L3MBTL1: variants seen among roughly 807,000 people sequenced by gnomAD.
The protein encoded by L3MBTL1 is lethal(3)malignant brain tumor-like protein 1.
L3MBTL1 carries 75 observed loss-of-function variants against 105.3 expected under a neutral mutation model. The ratio of observed to expected loss-of-function variants is 0.71; its 90% CI spans 0.59 to 0.86. The LOEUF is 0.86. Among genes scored for constraint, L3MBTL1 ranks in the 40% least tolerant of loss-of-function variants. L3MBTL1 has a pLI of 0.00. For synonymous variants in L3MBTL1, 452 were observed against 436.2 expected (o/e 1.04, Z -0.45); for missense variants, 1,069 against 1,126.4 (o/e 0.95, Z 0.73).
downstream of L3MBTL1, among the ~76,000 whole-genome samples, chr20:43,543,662 T>A (rs2145502376): frequency 6.6e-6 from 1 of 152,056 alleles, no homozygotes; most frequent in East Asian, 1.9e-4. Flanking sequence ...GCTCCAGGAG[T>A]GGGCTCTCTC....
intron 20 of L3MBTL1, 49 bp from the exon 21 acceptor site, chr20:43,540,704 C>A: frequency 6.3e-7 from 1 of 1,581,870 alleles, no homozygotes; most frequent in Non-Finnish European, 8.7e-7. Flanking sequence ...GCTCTCCCTA[C>A]ATGCCTAAGC....
At chr20:43,526,328 T>C (rs1167297524) in intron 7 of L3MBTL1, among the ~76,000 whole-genome samples, 1 of 152,148 alleles carries the variant, frequency 6.6e-6, no homozygotes, top group Non-Finnish European at 1.5e-5. Context: ...AGAGGTCTTA[T>C]GCATGATGAT....
intron 19 of L3MBTL1, among the ~76,000 whole-genome samples, chr20:43,537,972 A>G (rs562938503): frequency 4.6e-5 from 7 of 152,312 alleles, no homozygotes; most frequent in African/African-American, 1.7e-4. Flanking sequence ...TACCCACCGT[A>G]TGATGTGGTG....
intron 19 of L3MBTL1, chr20:43,538,983 A>T (rs887854981): frequency 2.0e-5 from 3 of 152,556 alleles, no homozygotes; most frequent in African/African-American, 7.2e-5. Flanking sequence ...GAGCAGGGAG[A>T]TGGGGCTGTC....
At chr20:43,532,962 G>A in intron 12 of L3MBTL1, 38 bp downstream of exon 12, 1 of 1,609,892 alleles carries the variant, frequency 6.2e-7, no homozygotes, top group Non-Finnish European at 8.5e-7. Context: ...AGGGGGTGAG[G>A]GGATGGCAGG....
chr20:43,550,043 G>T (rs1363545785), exon 19 of L3MBTL1: 2 of 152,172 alleles, frequency 1.3e-5, no homozygotes, highest in Non-Finnish European at 2.9e-5. Context: ...CTGGAAGGAA[G>T]CTAGGCAAGA....
At position 43,532,806 on chromosome 20, in the gene L3MBTL1, A is replaced by C; in HGVS notation, c.1318A>C (p.Lys440Gln). The change falls in exon 12 of 22, where the codon AAG (lysine) becomes CAG (glutamine). Residue 440 changes from lysine to glutamine, a missense_variant. By Grantham distance (53) the Lys-to-Gln change is moderately conservative (BLOSUM62 1). Coordinates refer to ENST00000418998, the MANE Select transcript of L3MBTL1 (RefSeq NM_001377303.1). ...PPPLGFQVGM[K>Q]LEAVDRMNPS... ...ACCCCTGGGCTTCCAGGTGGGCATGAAGCTGGAGGCTGTTGACCGCATGAA... is the reference window on the plus strand; with the variant it reads ...ACCCCTGGGCTTCCAGGTGGGCATGCAGCTGGAGGCTGTTGACCGCATGAA... The C allele has an allele frequency of 6.2e-7, 1 of 1,614,190 alleles. No individual in the cohort carries two copies. The highest frequency in any genetic ancestry group is 8.5e-7 in the Non-Finnish European group (1 of 1,180,022).
At chr20:43,526,792 G>A (rs192261360) in intron 7 of L3MBTL1, among the ~76,000 whole-genome samples, 1 of 152,234 alleles carries the variant, frequency 6.6e-6, no homozygotes, top group East Asian at 1.9e-4. Flanking sequence ...CTCTACTAAA[G>A]ATTTAAAAAA....
At position 43,532,866 on chromosome 20, in the gene L3MBTL1, G is replaced by T; in HGVS notation, c.1378G>T (p.Val460Leu). Reference sequence around the variant, plus strand: ...TGTCTGCGTGGCCAGTGTGACCGATGTGGTGGACAGCCGCTTCCTGGTGCA... The same window carrying T: ...TGTCTGCGTGGCCAGTGTGACCGATTTGGTGGACAGCCGCTTCCTGGTGCA... ...SLVCVASVTDVVDSRFLVHFD... is the reference protein window; with the variant it reads ...SLVCVASVTDLVDSRFLVHFD... The change falls in exon 12 of 22, where the codon GTG becomes TTG. Residue 460 changes from valine to leucine, a missense_variant. By Grantham distance (32) the Val-to-Leu change is conservative. Coordinates refer to ENST00000418998, the MANE Select transcript of L3MBTL1 (RefSeq NM_001377303.1). 5 of 1,614,198 alleles carry T rather than the reference G, an allele frequency of 3.1e-6. No homozygotes were observed. In the Admixed American group the frequency reaches 8.3e-5, roughly 27 times the overall value.
intron 4 of L3MBTL1, 25 bp downstream of exon 4, chr20:43,514,801 T>C (rs550721455): frequency 3.3e-6 from 5 of 1,527,970 alleles, no homozygotes. Flanking sequence ...CCCCAGGCCC[T>C]GAGCTGGGCC....
At chr20:43,530,774 G>C in intron 10 of L3MBTL1, 24 bp from the exon 11 acceptor site, 1 of 1,610,580 alleles carries the variant, frequency 6.2e-7, no homozygotes, top group South Asian at 1.1e-5. Context: ...ACGGCGCTCT[G>C]TTCATGCCCC....
intron 6 of L3MBTL1, chr20:43,515,685 G>C (rs112148596): frequency 4.2e-6 from 2 of 480,116 alleles, no homozygotes; most frequent in African/African-American, 3.9e-5. Flanking sequence ...CAAAGTACAT[G>C]TGCAGGCAGC....
chr20:43,508,959 A>G (rs2018059970), intron 1 of L3MBTL1, among the ~76,000 whole-genome samples: 2 of 152,170 alleles, frequency 1.3e-5, no homozygotes, highest in Non-Finnish European at 1.5e-5. Flanking sequence ...CAAGTGAGGT[A>G]GCTCCCTAGG....
downstream of L3MBTL1, among the ~76,000 whole-genome samples, chr20:43,542,627 A>G (rs577199892): frequency 0.014 from 2,096 of 151,660 alleles, 68 homozygotes; most frequent in African/African-American, 0.048. Context: ...AAAAAAAAAA[A>G]AAAGAAAAGA....
chr20:43,536,593 A>G (rs1405920049), intron 19 of L3MBTL1, 135 bp downstream of exon 19: 63 of 1,010,426 alleles, frequency 6.2e-5, no homozygotes, highest in Non-Finnish European at 9.3e-5. Flanking sequence ...CGTTTGAGAT[A>G]CTGAGAGCAC....
At chr20:43,516,221 A>G in intron 7 of L3MBTL1, 44 bp downstream of exon 7, 1 of 1,449,722 alleles carries the variant, frequency 6.9e-7, no homozygotes, top group East Asian at 2.3e-5. Flanking sequence ...AGGTGTGTAT[A>G]TACCTTTGGA....
chr20:43,510,868 C>T (rs2018117520), intron 1 of L3MBTL1, among the ~76,000 whole-genome samples: 1 of 151,862 alleles, frequency 6.6e-6, no homozygotes, highest in African/African-American at 2.4e-5. Context: ...CAGGCATATA[C>T]TGCAACACCT....
intron 19 of L3MBTL1, 43 bp from the exon 20 acceptor site, chr20:43,540,108 A>T: frequency 6.2e-7 from 1 of 1,604,374 alleles, no homozygotes; most frequent in South Asian, 1.1e-5. Flanking sequence ...GGAACAGTTT[A>T]GTCATCCTCG....
intron 7 of L3MBTL1, among the ~76,000 whole-genome samples, chr20:43,526,014 C>A (rs554649765): frequency 6.6e-6 from 1 of 152,218 alleles, no homozygotes; most frequent in South Asian, 2.1e-4. Context: ...CAGGGAGGGA[C>A]ATCTTCAGGG....
Sources: allele counts gnomAD v4.1 joint callset (sites outside exome capture counted in the v4.1 genomes callset), GRCh38; gene constraint gnomAD v4.1.1; transcripts MANE v1.5; gene names NCBI Gene and HGNC (gene_info 2026-07-23, HGNC 2026-07-21).